The following UBE2L3 variants were observed in gnomAD, a reference collection of about 807,000 sequenced individuals.
UBE2L3 encodes the protein ubiquitin-conjugating enzyme E2 L3.
In UBE2L3, 1 loss-of-function variant was observed where a neutral mutation model predicts 17.8. The ratio of observed to expected loss-of-function variants is 0.06; its 90% CI spans 0.02 to 0.27. The LOEUF is 0.27. UBE2L3 is among the 10% of genes least tolerant of loss of function. UBE2L3 has a pLI of 1.00. For missense variants in UBE2L3, 40 were observed against 192.6 expected, an observed-to-expected ratio of 0.21 and a Z score of 4.69; for synonymous variants, 44 against 68.5, an observed-to-expected ratio of 0.64 and a Z score of 1.76.
At chr22:21,592,561 C>T (rs1055662238) in intron 1 of UBE2L3, among the ~76,000 whole-genome samples, 2 of 152,152 alleles carry the variant, frequency 1.3e-5, no homozygotes, top group Non-Finnish European at 2.9e-5. Context: ...CCATGGTGAC[C>T]AACCCAAAGA....
At chr22:21,580,623 T>C (rs1189010464) in intron 1 of UBE2L3, among the ~76,000 whole-genome samples, 1 of 151,976 alleles carries the variant, frequency 6.6e-6, no homozygotes, top group African/African-American at 2.4e-5. Flanking sequence ...CTAAGTTTTT[T>C]GTATTTTTAG....
chr22:21,592,835 C>T, intron 1 of UBE2L3, 26 bp from the exon 2 acceptor site: 2 of 1,571,446 alleles, frequency 1.3e-6, no homozygotes, highest in Non-Finnish European at 1.8e-6. Flanking sequence ...CTATTTGACA[C>T]CCCTTTATGC....
At chr22:21,585,480 A>C (rs966323696) in intron 1 of UBE2L3, among the ~76,000 whole-genome samples, 2 of 152,086 alleles carry the variant, frequency 1.3e-5, no homozygotes, top group Non-Finnish European at 2.9e-5. Context: ...CTCTCAGCCC[A>C]CTTCCCACCA....
intron 1 of UBE2L3, among the ~76,000 whole-genome samples, chr22:21,573,373 G>A (rs371431348): frequency 4.6e-5 from 7 of 152,248 alleles, no homozygotes. Context: ...TGGATCTCGT[G>A]ATTGGCATCC....
rs1024477838 is a variant in UBE2L3, at chr22:21,610,883, C to A, written c.150C>A (p.Ala50=). Residue 50 remains alanine (A), a synonymous_variant, in exon 3 of 4, where the codon GCC becomes GCA. Coordinates refer to ENST00000342192, the MANE Select transcript of UBE2L3 (RefSeq NM_003347.4). ...VPDNPPYDKG[A]FRIEINFPAE... is the part of the protein sequence containing the mutation. ...ACAACCCTCCATATGATAAGGGAGC[C>A]TTCAGAATCGAAATCAACTTTCCAG... The A allele has an allele frequency of 6.2e-7, 1 of 1,611,806 alleles. No homozygotes were observed. The highest frequency in any genetic ancestry group is 8.5e-7 in the Non-Finnish European group (1 of 1,178,968).
intron 1 of UBE2L3, among the ~76,000 whole-genome samples, chr22:21,568,743 A>T (rs1253096723): frequency 6.6e-6 from 1 of 152,122 alleles, no homozygotes; most frequent in African/African-American, 2.4e-5. Context: ...CGGAAATTAA[A>T]AAAAGGCCCA....
chr22:21,610,798 G>A, intron 2 of UBE2L3, 59 bp from the exon 3 acceptor site: 1 of 1,456,758 alleles, frequency 6.9e-7, no homozygotes, highest in Non-Finnish European at 9.1e-7. Context: ...AAACATTCCT[G>A]TCTTGGCCAT....
chr22:21,558,483 T>A (rs1926317098), intron 1 of UBE2L3, among the ~76,000 whole-genome samples: 1 of 152,114 alleles, frequency 6.6e-6, no homozygotes, highest in Non-Finnish European at 1.5e-5. Flanking sequence ...ATACAAAAAA[T>A]AGCCAGGTGT....
In UBE2L3 at chr22:21,557,251, C is replaced by T. The variant is rs564995922; in HGVS notation, c.201+7601C>T. The stretch of plus-strand genomic sequence containing the variant: ...GCATGGTGGTGCACGCCTGTAGTCC[C>T]AGCTATTTGGGAGGCTGAGATGGAA... On this transcript the variant is annotated intron_variant, in intron 1 of 3. Coordinates refer to the UBE2L3 transcript ENST00000458578. Among the ~76,000 whole-genome samples, 15 of 152,278 alleles carry T rather than the reference C, an allele frequency of 9.9e-5. No homozygotes were observed. In the South Asian group the frequency reaches 3.1e-3, roughly 32 times the overall value.
chr22:21,608,609 G>A (rs1411367717), intron 2 of UBE2L3, among the ~76,000 whole-genome samples: 1 of 151,980 alleles, frequency 6.6e-6, no homozygotes, highest in Non-Finnish European at 1.5e-5. Flanking sequence ...ATTTTTAGTA[G>A]AGACAGGGTT....
chr22:21,559,937 C>T (rs913291000), intron 1 of UBE2L3, among the ~76,000 whole-genome samples: 1 of 152,280 alleles, frequency 6.6e-6, no homozygotes, highest in African/African-American at 2.4e-5. Flanking sequence ...TTCCTGGGCC[C>T]TGCAGCCTGC....
At position 21,577,112 on chromosome 22, in the gene UBE2L3, G is replaced by T. The variant is rs200458086; in HGVS notation, c.27+9341G>T. Reference sequence around the variant, plus strand: ...CCCTCTCGAGTAGCTGGGACTACAGGCGCTCGCCACTACACCCAGCTAATC... The same window carrying T: ...CCCTCTCGAGTAGCTGGGACTACAGTCGCTCGCCACTACACCCAGCTAATC... On this transcript the variant is annotated intron_variant, in intron 1 of 3. Transcript: ENST00000342192. Among the ~76,000 whole-genome samples, 6 of 152,048 alleles carry T rather than the reference G, an allele frequency of 3.9e-5. No homozygotes were observed. In the East Asian group the frequency reaches 1.2e-3, roughly 30 times the overall value.
chr22:21,573,221 G>A (rs1927081885), intron 1 of UBE2L3, among the ~76,000 whole-genome samples: 1 of 152,146 alleles, frequency 6.6e-6, no homozygotes, highest in African/African-American at 2.4e-5. Context: ...GCAGAATTTA[G>A]TAGGGTGAGG....
rs1930131869 is a variant in UBE2L3, at chr22:21,623,115, A to G, written c.*1446A>G. On this transcript the variant is annotated 3_prime_UTR_variant, in exon 4 of 4. Coordinates refer to ENST00000342192, the MANE Select transcript of UBE2L3 (RefSeq NM_003347.4). ...CTTCCCTTCTTGGCTCTTGGGGGGG[A>G]CTAGATCCTGTGGAGAAGATGACTT... 6.6e-6 allele frequency: 1 copy of G among 151,968 alleles called. No individual in the cohort carries two copies. The highest frequency in any genetic ancestry group is 6.6e-5 in the Admixed American group (1 of 15,234). 9.4% of individuals were successfully genotyped at this position (151,968 alleles called of 1,614,324 possible). A position where few individuals can be genotyped will look rare whatever the true frequency, so the allele number is the denominator to read the frequency against.
chr22:21,589,921 T>C (rs1345111253), intron 1 of UBE2L3, among the ~76,000 whole-genome samples: 1 of 152,146 alleles, frequency 6.6e-6, no homozygotes, highest in Non-Finnish European at 1.5e-5. Flanking sequence ...TCCTCAGGGT[T>C]GCCCATTCTT....
At chr22:21,568,259 G>C in intron 1 of UBE2L3, 1 of 986,904 alleles carries the variant, frequency 1.0e-6, no homozygotes, top group Non-Finnish European at 1.2e-6. Context: ...GGAGGTTCGG[G>C]CTAGGAAAGA....
chr22:21,613,720 T>G (rs1929622525), intron 3 of UBE2L3, among the ~76,000 whole-genome samples: 1 of 152,230 alleles, frequency 6.6e-6, no homozygotes, highest in Admixed American at 6.5e-5. Context: ...TACAGCTGAC[T>G]GTTCATTCCT....
chr22:21,596,472 G>A (rs1928528136), intron 2 of UBE2L3, among the ~76,000 whole-genome samples: 1 of 152,196 alleles, frequency 6.6e-6, no homozygotes, highest in Non-Finnish European at 1.5e-5. Flanking sequence ...CTGGGTTCAA[G>A]TGATGCTTAT....
chr22:21,584,106 C>T (rs550198585), intron 1 of UBE2L3, among the ~76,000 whole-genome samples: 41 of 151,982 alleles, frequency 2.7e-4, no homozygotes, highest in African/African-American at 9.7e-4. Context: ...AACTCCCGAC[C>T]TCAGGTGATC....
Sources: gnomAD v4.1 joint callset for allele counts (sites outside exome capture counted in the v4.1 genomes callset) on GRCh38, gnomAD v4.1.1 for gene constraint, MANE v1.5 for transcripts, NCBI Gene and HGNC (gene_info 2026-07-23, HGNC 2026-07-21) for gene names.